STOML3: variants seen among roughly 807,000 people sequenced by gnomAD.
The protein encoded by STOML3 is stomatin like 3.
In STOML3, 31 loss-of-function variants were observed where a neutral mutation model predicts 29.5. That is an observed-to-expected ratio of 1.05 (90% CI 0.79 to 1.42). The LOEUF (loss-of-function observed/expected upper bound fraction) is 1.42, where lower values mean the gene tolerates loss of function less well. Among genes scored for constraint, STOML3 ranks in the 40% most tolerant of loss-of-function variants. STOML3 has a pLI of 0.00. For missense variants in STOML3, 380 were observed against 363.0 expected, an observed-to-expected ratio of 1.05 and a Z score of -0.38; for synonymous variants, 122 against 139.8, an observed-to-expected ratio of 0.87 and a Z score of 0.90.
Position 38,984,843 on chromosome 13 carries a change from G to A in STOML3, c.52+5827C>T, listed in dbSNP as rs139935698. ...TTTGTGTCTTCCCTGTAAATTTTTAGTGCTCTGAATGCAGGTATTTTATTT... is the reference window on the plus strand; with the variant it reads ...TTTGTGTCTTCCCTGTAAATTTTTAATGCTCTGAATGCAGGTATTTTATTT... On this transcript the variant is annotated intron_variant, in intron 1 of 6. Coordinates refer to ENST00000379631, the MANE Select transcript of STOML3 (RefSeq NM_145286.3). Among the ~76,000 whole-genome samples, 421 of 152,188 alleles carry A rather than the reference G, an allele frequency of 2.8e-3. 7 individuals carry two copies. Among genetic ancestry groups the A allele is most frequent in the African/African-American group, 9.8e-3 (405 of 41,526 alleles).
chr13:38,984,156 A>G (rs1021369183), intron 1 of STOML3, among the ~76,000 whole-genome samples: 4 of 152,128 alleles, frequency 2.6e-5, no homozygotes, highest in African/African-American at 9.7e-5. Flanking sequence ...TTCAAGTAGC[A>G]GGACTTTTGA....
intron 1 of STOML3, among the ~76,000 whole-genome samples, chr13:38,977,207 G>A (rs2138015904): frequency 6.6e-6 from 1 of 152,302 alleles, no homozygotes; most frequent in Non-Finnish European, 1.5e-5. Flanking sequence ...AAGGCAGGTA[G>A]GTAAGTACTA....
rs867251184 is a variant in STOML3, at chr13:38,987,952, T to C, written c.52+2718A>G. On this transcript the variant is annotated intron_variant, in intron 1 of 6. Coordinates refer to ENST00000379631, the MANE Select transcript of STOML3 (RefSeq NM_145286.3). Reference sequence around the variant, plus strand: ...ATATATTATGTTATATATAATATATTATATTTTATATAATATATTATATGT... The same window carrying C: ...ATATATTATGTTATATATAATATATCATATTTTATATAATATATTATATGT... Among the ~76,000 whole-genome samples the C allele has an allele frequency of 2.2e-3, 187 of 84,946 alleles. 1 individual carries two copies. Among genetic ancestry groups the C allele is most frequent in the Admixed American group, 3.3e-3 (16 of 4,836 alleles). 55.7% of individuals were successfully genotyped at this position (84,946 alleles called of 152,430 possible). A position where few individuals can be genotyped will look rare whatever the true frequency, so the allele number is the denominator to read the frequency against.
chr13:38,984,102 C>A (rs1467210591), intron 1 of STOML3, among the ~76,000 whole-genome samples: 1 of 152,128 alleles, frequency 6.6e-6, no homozygotes, highest in African/African-American at 2.4e-5. Flanking sequence ...CCACTCAGAG[C>A]CCAGGCTTCA....
At chr13:38,978,880 A>T (rs1035273308) in intron 1 of STOML3, among the ~76,000 whole-genome samples, 1 of 152,224 alleles carries the variant, frequency 6.6e-6, no homozygotes, top group African/African-American at 2.4e-5. Context: ...CTTGTGTAGG[A>T]TAAATCCCTG....
In STOML3 at chr13:38,966,905, A is replaced by G; in HGVS notation, c.796T>C (p.Phe266Leu). The G allele has an allele frequency of 6.2e-7, 1 of 1,613,856 alleles. No homozygotes were observed. The highest frequency in any genetic ancestry group is 8.5e-7 in the Non-Finnish European group (1 of 1,179,962). The part of the protein sequence containing the change: ...VATEKNSTIV[F>L]PLPMNILEGI... ...TCTAGTATATTCATGGGCAGAGGAAACACAATCGTAGAATTCTTCTCGGTG... is the reference window on the plus strand; with the variant it reads ...TCTAGTATATTCATGGGCAGAGGAAGCACAATCGTAGAATTCTTCTCGGTG... Residue 266 changes from phenylalanine (F) to leucine (L), a missense_variant, in exon 7 of 7, where the codon TTT becomes CTT. By Grantham distance (22) the Phe-to-Leu change is conservative. Transcript: ENST00000379631.
At chr13:38,985,835 A>G (rs1593508379) in intron 1 of STOML3, among the ~76,000 whole-genome samples, 2 of 151,010 alleles carry the variant, frequency 1.3e-5, no homozygotes, top group Admixed American at 1.3e-4. Context: ...GTATATATAT[A>G]GAATAGAAAA....
chr13:38,985,032 T>C (rs751138761), intron 1 of STOML3, among the ~76,000 whole-genome samples: 2 of 152,160 alleles, frequency 1.3e-5, no homozygotes, highest in African/African-American at 2.4e-5. Flanking sequence ...CAAGATTCTA[T>C]TTTCTCTCAA....
chr13:38,985,902 C>CTTTTTTTTTTTTTTTTTTTTTT (rs1371193997), intron 1 of STOML3, among the ~76,000 whole-genome samples: 1 of 35,442 alleles, frequency 2.8e-5, no homozygotes, highest in East Asian at 9.0e-4. Flanking sequence ...TTTTTTTTTT[C>CTTTTTTTTTTTTTTTTTTTTTT]TTTTCTTTCT....
chr13:38,981,971 G>T (rs767138631), intron 1 of STOML3, among the ~76,000 whole-genome samples: 38 of 152,128 alleles, frequency 2.5e-4, no homozygotes, highest in Non-Finnish European at 5.4e-4. Flanking sequence ...AATGTTCATT[G>T]CCATTTTATT....
rs773758708 is a variant in STOML3, at chr13:38,968,498, G to A, written c.553C>T (p.Arg185Trp). 14 of 1,613,956 alleles carry A rather than the reference G, an allele frequency of 8.7e-6. No individual in the cohort carries two copies. Among genetic ancestry groups the A allele is most frequent in the Middle Eastern group, 3.3e-4 (2 of 6,084 alleles). Reference sequence around the variant, plus strand: ...TCTTTGATTTCCACTCGGGCCACCCGGATCCCCCACAGTTCGGTGGCATCA... The same window carrying A: ...TCTTTGATTTCCACTCGGGCCACCCAGATCCCCCACAGTTCGGTGGCATCA... ...LDDATELWGI[R>W]VARVEIKDVR... Residue 185 changes from arginine (R) to tryptophan (W), a missense_variant, in exon 6 of 7, where the codon CGG (arginine) becomes TGG (tryptophan). Physicochemically the swap from Arg to Trp is moderately radical, Grantham distance 101. Transcript: ENST00000379631.
At chr13:38,973,895 C>T (rs1184453738) in intron 3 of STOML3, among the ~76,000 whole-genome samples, 1 of 152,194 alleles carries the variant, frequency 6.6e-6, no homozygotes, top group African/African-American at 2.4e-5. Flanking sequence ...TGCCAACATT[C>T]TCAGTCAATT....
intron 3 of STOML3, among the ~76,000 whole-genome samples, chr13:38,975,029 A>C (rs1881017883): frequency 6.6e-6 from 1 of 152,112 alleles, no homozygotes; most frequent in Non-Finnish European, 1.5e-5. Context: ...TAGACAAGTA[A>C]GATTATACTT....
At position 38,967,034 on chromosome 13, in the gene STOML3, C is replaced by T; in HGVS notation, c.667G>A (p.Gly223Arg). ...AGGGATTTGGAAGCATTCATTTCTC[C>T]TTCAGCTGCAAGGACCTGAAATGAC... ...EARAKVLAAE[G>R]EMNASKSLKS... Residue 223 changes from glycine (G) to arginine (R), a missense_variant, in exon 7 of 7, where the codon GGA becomes AGA. Coordinates refer to ENST00000379631, the MANE Select transcript of STOML3 (RefSeq NM_145286.3). 6.2e-7 allele frequency: 1 copy of T among 1,613,810 alleles called. No homozygotes were observed. Among genetic ancestry groups the T allele is most frequent in the Non-Finnish European group, 8.5e-7 (1 of 1,179,884 alleles).
chr13:38,983,859 T>C (rs1881350455), intron 1 of STOML3, among the ~76,000 whole-genome samples: 1 of 152,218 alleles, frequency 6.6e-6, no homozygotes, highest in Non-Finnish European at 1.5e-5. Flanking sequence ...CTCTTTTCTT[T>C]TCTTAAAAAA....
At chr13:38,987,862 T>C (rs1868666254) in intron 1 of STOML3, among the ~76,000 whole-genome samples, 1 of 82,416 alleles carries the variant, frequency 1.2e-5, no homozygotes, top group South Asian at 3.5e-4. Flanking sequence ...TATTATATGT[T>C]ATATATAATA....
chr13:38,982,785 G>T (rs1375351772), intron 1 of STOML3, among the ~76,000 whole-genome samples: 1 of 152,140 alleles, frequency 6.6e-6, no homozygotes, highest in Non-Finnish European at 1.5e-5. Flanking sequence ...TGAGCTCCAA[G>T]ATGTTTACCC....
chr13:38,973,790 C>G (rs936467277), intron 3 of STOML3, among the ~76,000 whole-genome samples: 1 of 152,008 alleles, frequency 6.6e-6, no homozygotes, highest in South Asian at 2.1e-4. Flanking sequence ...AATACTGCAC[C>G]AAAAAAATAA....
chr13:38,972,577 GCAGGAC>G lies in STOML3; in HGVS notation c.241_246del (p.Val81_Leu82del). 1.2e-6 allele frequency: 2 copies of G among 1,613,896 alleles called. No individual in the cohort carries two copies. The highest frequency in any genetic ancestry group is 2.2e-5 in the South Asian group (2 of 91,052). On this transcript the variant is annotated inframe_deletion, in exon 4 of 7. Transcript: ENST00000379631. ...ACTTTGACAAACACATCTATGCATG[GCAGGAC>G]CAGGATCAAACCTATGAGAGAAAAA...
Sources: gnomAD v4.1 joint callset for allele counts (sites outside exome capture counted in the v4.1 genomes callset) on GRCh38, gnomAD v4.1.1 for gene constraint, MANE v1.5 for transcripts, NCBI Gene and HGNC (gene_info 2026-07-23, HGNC 2026-07-21) for gene names.